VWA3B: variants seen among roughly 807,000 people sequenced by gnomAD.
VWA3B encodes the protein von Willebrand factor A domain containing 3B.
VWA3B carries 138 observed loss-of-function variants against 158.3 expected under a neutral mutation model. The ratio of observed to expected loss-of-function variants is 0.87; its 90% CI spans 0.76 to 1.00. The LOEUF is 1.00. Ranked by LOEUF, VWA3B falls within the 50% of genes least tolerant of loss-of-function variation. VWA3B has a pLI of 0.00. For missense variants in VWA3B, 1,555 were observed against 1,565.1 expected, an observed-to-expected ratio of 0.99 and a Z score of 0.11; for synonymous variants, 596 against 587.3, an observed-to-expected ratio of 1.01 and a Z score of -0.21.
intron 7 of VWA3B, among the ~76,000 whole-genome samples, chr2:98,149,244 T>C (rs1178817847): frequency 6.6e-6 from 1 of 152,210 alleles, no homozygotes; most frequent in Non-Finnish European, 1.5e-5. Flanking sequence ...AATATTATTG[T>C]TACTGGTGGA....
At chr2:98,246,918 G>T (rs1278758548) in intron 19 of VWA3B, among the ~76,000 whole-genome samples, 1 of 151,582 alleles carries the variant, frequency 6.6e-6, no homozygotes, top group African/African-American at 2.4e-5. Flanking sequence ...TATTTTTTAT[G>T]CTTTCTGTTA....
chr2:98,249,562 G>A (rs1686662876), intron 19 of VWA3B, among the ~76,000 whole-genome samples: 2 of 152,166 alleles, frequency 1.3e-5, no homozygotes, highest in African/African-American at 4.8e-5. Context: ...CAAAATTGGG[G>A]AAGGAGACCA....
chr2:98,280,956 G>A (rs1688843788), intron 22 of VWA3B, among the ~76,000 whole-genome samples: 1 of 152,174 alleles, frequency 6.6e-6, no homozygotes, highest in South Asian at 2.1e-4. Context: ...ATTCCACTTA[G>A]AGCTTCACTT....
the VWA3B span, among the ~76,000 whole-genome samples, chr2:98,323,326 G>A: frequency 3.8e-4 from 58 of 151,926 alleles, no homozygotes; most frequent in South Asian, 6.2e-4. Flanking sequence ...AAATGGAAAA[G>A]GCAGAAGAAT....
intron 8 of VWA3B, among the ~76,000 whole-genome samples, chr2:98,169,317 A>G (rs1341736187): frequency 6.6e-6 from 1 of 152,230 alleles, no homozygotes; most frequent in African/African-American, 2.4e-5. Flanking sequence ...CATATTATAC[A>G]TGAAGTGATG....
At chr2:98,138,708 A>G (rs1207016635) in intron 7 of VWA3B, among the ~76,000 whole-genome samples, 1 of 152,216 alleles carries the variant, frequency 6.6e-6, no homozygotes, top group Admixed American at 6.5e-5. Context: ...CTGGGCTCCC[A>G]GGCCCTTGGT....
intron 12 of VWA3B, among the ~76,000 whole-genome samples, chr2:98,195,690 A>C (rs1481828695): frequency 6.6e-6 from 1 of 152,096 alleles, no homozygotes; most frequent in Non-Finnish European, 1.5e-5. Flanking sequence ...ATATAATCTC[A>C]TTGCATAAAA....
chr2:98,137,207 G>A (rs1559563986), intron 7 of VWA3B, among the ~76,000 whole-genome samples: 1 of 152,126 alleles, frequency 6.6e-6, no homozygotes, highest in African/African-American at 2.4e-5. Flanking sequence ...TATTTTTAAT[G>A]TTTTTTCCAG....
intron 8 of VWA3B, among the ~76,000 whole-genome samples, chr2:98,175,736 G>A (rs796748788): frequency 9.8e-5 from 15 of 152,300 alleles, no homozygotes; most frequent in African/African-American, 3.6e-4. Context: ...TTCCATGTAG[G>A]ATAAAAGACA....
intron 8 of VWA3B, among the ~76,000 whole-genome samples, chr2:98,176,221 A>G (rs114505090): frequency 0.02 from 3,028 of 151,576 alleles, 107 homozygotes; most frequent in African/African-American, 0.069. Flanking sequence ...GCTGTCCTCA[A>G]TTCTGGTTTC....
At chr2:98,165,297 C>T (rs547269657) in intron 8 of VWA3B, among the ~76,000 whole-genome samples, 4 of 152,280 alleles carry the variant, frequency 2.6e-5, no homozygotes, top group African/African-American at 7.2e-5. Context: ...AGTAACTTGC[C>T]CAAGGCTACA....
In VWA3B at chr2:98,269,964, TAA is replaced by T. The variant is rs143742815; in HGVS notation, c.2844-717_2844-716del. Reference sequence around the variant, plus strand: ...AATAAATAAGTGATGCTTTCAGCAATAAGAGTGATAATCATGAATTGTTTTCT... The same window carrying T: ...AATAAATAAGTGATGCTTTCAGCAATGAGTGATAATCATGAATTGTTTTCT... On this transcript the variant is annotated intron_variant, in intron 21 of 27. Coordinates refer to ENST00000477737, the MANE Select transcript of VWA3B (RefSeq NM_144992.5). 6.9e-3 allele frequency among the ~76,000 whole-genome samples: 1,046 copies of T among 152,300 alleles called. 15 individuals are homozygous for T. Among genetic ancestry groups the T allele is most frequent in the African/African-American group, 0.024 (994 of 41,542 alleles).
At chr2:98,164,457 G>A (rs903000275) in intron 8 of VWA3B, among the ~76,000 whole-genome samples, 8 of 152,134 alleles carry the variant, frequency 5.3e-5, no homozygotes, top group Non-Finnish European at 1.0e-4. Context: ...GCCCTGAGGG[G>A]TAGGCCTATA....
chr2:98,237,300 G>A (rs1234353302), intron 19 of VWA3B, among the ~76,000 whole-genome samples: 1 of 152,184 alleles, frequency 6.6e-6, no homozygotes, highest in Non-Finnish European at 1.5e-5. Context: ...GAAAACTCTA[G>A]GTCAGAGTCA....
At chr2:98,173,687 C>T (rs921218464) in intron 8 of VWA3B, among the ~76,000 whole-genome samples, 19 of 152,102 alleles carry the variant, frequency 1.2e-4, no homozygotes, top group Admixed American at 4.6e-4. Context: ...CTGTGGAGGG[C>T]TGGGCGCCAG....
Position 98,236,378 on chromosome 2 carries a change from C to G in VWA3B, c.2429-12C>G, listed in dbSNP as rs769916411. ...TGAGGAAAATATACAACTGCCACTTCCCCTTCCACAGAAATGAGCATCTTG... is the reference window on the plus strand; with the variant it reads ...TGAGGAAAATATACAACTGCCACTTGCCCTTCCACAGAAATGAGCATCTTG... On this transcript the variant is annotated splice_polypyrimidine_tract_variant and intron_variant, in intron 17 of 27. Transcript: ENST00000477737. 1.2e-6 allele frequency: 2 copies of G among 1,614,052 alleles called. No individual in the cohort carries two copies. The highest frequency in any genetic ancestry group is 1.7e-6 in the Non-Finnish European group (2 of 1,179,966).
intron 22 of VWA3B, among the ~76,000 whole-genome samples, chr2:98,283,590 G>T (rs1384480940): frequency 6.6e-6 from 1 of 152,210 alleles, no homozygotes; most frequent in African/African-American, 2.4e-5. Context: ...TCCCACTGGA[G>T]TATGAAGATG....
intron 7 of VWA3B, among the ~76,000 whole-genome samples, chr2:98,136,593 T>A (rs1420260905): frequency 2.1e-4 from 29 of 141,036 alleles, no homozygotes; most frequent in African/African-American, 7.9e-4. Context: ...GCAGAAGAGA[T>A]GAAAGGGCCA....
chr2:98,151,456 G>A (rs182175111), intron 7 of VWA3B, among the ~76,000 whole-genome samples: 33 of 152,284 alleles, frequency 2.2e-4, no homozygotes, highest in Middle Eastern at 3.4e-3. Flanking sequence ...GCTGAGGCCC[G>A]CTATGTGCCA....
Sources: allele counts gnomAD v4.1 joint callset (sites outside exome capture counted in the v4.1 genomes callset), GRCh38; gene constraint gnomAD v4.1.1; transcripts MANE v1.5; gene names NCBI Gene and HGNC (gene_info 2026-07-23, HGNC 2026-07-21).